CPNE5: variants seen among roughly 807,000 people sequenced by gnomAD.
CPNE5 encodes copine 5, also known as copine-5.
A neutral mutation model predicts 81.1 loss-of-function variants in CPNE5; 42 were observed. The observed-to-expected ratio is 0.52, with a 90% CI of 0.40 to 0.67. The LOEUF is 0.67. Among genes scored for constraint, CPNE5 ranks in the 30% least tolerant of loss-of-function variants. The pLI, the probability that CPNE5 is intolerant of heterozygous loss-of-function variation, is 0.00. For missense variants in CPNE5, 612 were observed against 815.5 expected (o/e 0.75, Z 3.04); for synonymous variants, 313 against 321.5 (o/e 0.97, Z 0.28).
chr6:36,778,324 G>A (rs1478312075), intron 9 of CPNE5, among the ~76,000 whole-genome samples: 4 of 152,198 alleles, frequency 2.6e-5, no homozygotes, highest in African/African-American at 9.7e-5. Flanking sequence ...GGAAATAGGG[G>A]CTTCAAAGTC....
rs773724112 is a variant in CPNE5 at position 36,799,958 on chromosome 6, T to TC, written c.287+8dup. The TC allele has an allele frequency of 6.3e-7, 1 of 1,596,726 alleles. No individual in the cohort carries two copies. The highest frequency in any genetic ancestry group is 8.6e-7 in the Non-Finnish European group (1 of 1,164,334). On this transcript the variant is annotated intron_variant, in intron 4 of 20. Coordinates refer to ENST00000244751, the MANE Select transcript of CPNE5 (RefSeq NM_020939.2). ...CCTGGCTGCATCTTCAGCACCATCT[T>TC]CCACTTACAGATCAAAACGGAGGTT...
At chr6:36,838,354 T>C (rs1773714024) in intron 1 of CPNE5, among the ~76,000 whole-genome samples, 1 of 151,992 alleles carries the variant, frequency 6.6e-6, no homozygotes, top group Non-Finnish European at 1.5e-5. Context: ...AACCTCAAAG[T>C]GGGTGATGCT....
chr6:36,779,690 C>T (rs1260368573), intron 8 of CPNE5, among the ~76,000 whole-genome samples: 2 of 152,248 alleles, frequency 1.3e-5, no homozygotes, highest in East Asian at 3.8e-4. Flanking sequence ...GTCCCCAGCC[C>T]TGCTCCCTGC....
chr6:36,780,224 A>T (rs9462218), intron 8 of CPNE5, among the ~76,000 whole-genome samples: 1 of 151,996 alleles, frequency 6.6e-6, no homozygotes, highest in Non-Finnish European at 1.5e-5. Flanking sequence ...CAGCCTCCCA[A>T]AGTGCTGGGA....
At chr6:36,783,378 T>TAAAAAAAAAAAAAAAAAA (rs36056853) in intron 8 of CPNE5, among the ~76,000 whole-genome samples, 1 of 118,482 alleles carries the variant, frequency 8.4e-6, no homozygotes, top group African/African-American at 3.1e-5. Flanking sequence ...GCAGTAAAAG[T>TAAAAAAAAAAAAAAAAAA]AAAAAAAAAA....
chr6:36,779,918 C>T (rs1419211116), intron 8 of CPNE5, among the ~76,000 whole-genome samples: 1 of 152,074 alleles, frequency 6.6e-6, no homozygotes, highest in African/African-American at 2.4e-5. Context: ...GACCCCAGGA[C>T]TTGCCCTGCT....
chr6:36,807,932 G>C (rs1770744644), intron 3 of CPNE5, among the ~76,000 whole-genome samples: 1 of 152,150 alleles, frequency 6.6e-6, no homozygotes, highest in African/African-American at 2.4e-5. Context: ...CCACCAGCAG[G>C]GAAGGAAACA....
At chr6:36,822,824 C>T (rs1368836881) in intron 2 of CPNE5, among the ~76,000 whole-genome samples, 1 of 152,134 alleles carries the variant, frequency 6.6e-6, no homozygotes, top group Non-Finnish European at 1.5e-5. Flanking sequence ...GACCTCCAAC[C>T]CCTCCCAGCC....
rs183397855 is a variant in CPNE5, at chr6:36,772,941, G to A, written c.737+2020C>T. On this transcript the variant is annotated intron_variant, in intron 10 of 20. Transcript: ENST00000244751. The stretch of plus-strand genomic sequence containing the variant: ...TGCAGCCTTGAACTCCTGGGCTCAC[G>A]TGATCCTTTTGCCTCAGCCACCTGA... 6.6e-5 allele frequency among the ~76,000 whole-genome samples: 10 copies of A among 152,212 alleles called. No individual in the cohort carries two copies. In the East Asian group the frequency reaches 1.7e-3, roughly 26 times the overall value.
intron 1 of CPNE5, among the ~76,000 whole-genome samples, chr6:36,833,220 C>G (rs236357): frequency 0.51 from 77,043 of 152,110 alleles, 21,567 homozygotes; most frequent in African/African-American, 0.75. Context: ...GTAACCTTGG[C>G]CAAGTCCCTT....
intron 3 of CPNE5, among the ~76,000 whole-genome samples, chr6:36,812,111 A>G (rs1771161751): frequency 6.6e-6 from 1 of 152,166 alleles, no homozygotes; most frequent in Non-Finnish European, 1.5e-5. Flanking sequence ...CTCAAAAACA[A>G]ACAAACAAGA....
intron 10 of CPNE5, among the ~76,000 whole-genome samples, chr6:36,773,164 A>G (rs1222460493): frequency 6.6e-6 from 1 of 152,150 alleles, no homozygotes; most frequent in East Asian, 1.9e-4. Context: ...GGCGTGAGCC[A>G]CCACGCCTGA....
intron 1 of CPNE5, among the ~76,000 whole-genome samples, chr6:36,837,231 T>C (rs1773600139): frequency 6.6e-6 from 1 of 152,222 alleles, no homozygotes; most frequent in African/African-American, 2.4e-5. Context: ...CCAACAGTAT[T>C]TGGCAAGTGC....
At chr6:36,778,564 G>A (rs1767750523) in intron 9 of CPNE5, among the ~76,000 whole-genome samples, 1 of 152,010 alleles carries the variant, frequency 6.6e-6, no homozygotes, top group Admixed American at 6.5e-5. Flanking sequence ...CCCTGTTTTT[G>A]CCTAGTCCCC....
intron 8 of CPNE5, among the ~76,000 whole-genome samples, chr6:36,782,826 C>CAT (rs1292752802): frequency 2.6e-5 from 3 of 115,756 alleles, no homozygotes; most frequent in Admixed American, 1.7e-4. Flanking sequence ...AACACACACA[C>CAT]ACACACACAC....
intron 14 of CPNE5, among the ~76,000 whole-genome samples, chr6:36,749,737 G>A (rs1046654850): frequency 2.0e-5 from 3 of 152,130 alleles, no homozygotes; most frequent in Non-Finnish European, 2.9e-5. Flanking sequence ...AAACAAGACT[G>A]GCTATGATGT....
intron 8 of CPNE5, among the ~76,000 whole-genome samples, chr6:36,783,672 A>G (rs777205626): frequency 1.3e-5 from 2 of 152,046 alleles, no homozygotes; most frequent in African/African-American, 4.8e-5. Flanking sequence ...CCCCATGCCC[A>G]GCTAGATTTT....
rs756111818 is a variant in CPNE5 at position 36,746,627 on chromosome 6, C to A, written c.1019-50G>T. On this transcript the variant is annotated intron_variant, in intron 15 of 20. Coordinates refer to ENST00000244751, the MANE Select transcript of CPNE5 (RefSeq NM_020939.2). The surrounding 1 kb of genome is among the most constrained non-coding windows in gnomAD (Gnocchi z 4.5). ...TTGACCATCTGGACCCTCCAAGTCA[C>A]CCCGGGTTCAGAATGAAGAAGGGGG... is the stretch of plus-strand genomic sequence containing the variant. 3 of 1,547,494 alleles carry A rather than the reference C, an allele frequency of 1.9e-6. No individual in the cohort carries two copies. The highest frequency in any genetic ancestry group is 2.2e-5 in the Admixed American group (1 of 45,846).
intron 3 of CPNE5, among the ~76,000 whole-genome samples, chr6:36,817,354 A>G (rs1026312218): frequency 2.0e-4 from 30 of 152,282 alleles, no homozygotes; most frequent in African/African-American, 7.2e-4. Flanking sequence ...AAGCTCTGTG[A>G]AACAGCATGT....
Sources: gnomAD v4.1 joint callset for allele counts (sites outside exome capture counted in the v4.1 genomes callset) on GRCh38, gnomAD v4.1.1 for gene constraint, Gnocchi (gnomAD v3.1) non-coding constraint, MANE v1.5 for transcripts, NCBI Gene and HGNC (gene_info 2026-07-23, HGNC 2026-07-21) for gene names.